ALCAM: variants seen among roughly 807,000 people sequenced by gnomAD.
ALCAM encodes CD166 antigen.
In ALCAM, 30 loss-of-function variants were observed where a neutral mutation model predicts 70.9. The ratio of observed to expected loss-of-function variants is 0.42; its 90% CI spans 0.32 to 0.57. ALCAM has a LOEUF of 0.57. Ranked by LOEUF, ALCAM falls within the 20% of genes least tolerant of loss-of-function variation. The probability of loss-of-function intolerance (pLI) is 0.11; values close to 1 mark genes in which losing one functional copy is unlikely to be tolerated. For synonymous variants in ALCAM, 249 were observed against 242.5 expected (o/e 1.03, Z -0.25); for missense variants, 591 against 695.1 (o/e 0.85, Z 1.68).
intron 1 of ALCAM, among the ~76,000 whole-genome samples, chr3:105,410,694 A>G (rs1274015150): frequency 6.6e-6 from 1 of 152,008 alleles, no homozygotes; most frequent in Non-Finnish European, 1.5e-5. Context: ...ACAGCAGGCT[A>G]GCAACTCAGA....
intron 3 of ALCAM, among the ~76,000 whole-genome samples, chr3:105,526,409 A>G (rs1207025857): frequency 6.6e-6 from 1 of 152,106 alleles, no homozygotes; most frequent in African/African-American, 2.4e-5. Flanking sequence ...AATAAAATTT[A>G]TCAGCTGATT....
intron 1 of ALCAM, among the ~76,000 whole-genome samples, chr3:105,468,419 C>A (rs1047485436): frequency 2.6e-5 from 4 of 151,376 alleles, no homozygotes; most frequent in African/African-American, 9.7e-5. Context: ...ATAGTAAACT[C>A]TTCTTTTAAT....
chr3:105,541,224 C>T (rs1390752785), intron 7 of ALCAM, among the ~76,000 whole-genome samples: 2 of 150,906 alleles, frequency 1.3e-5, no homozygotes, highest in African/African-American at 4.9e-5. Context: ...TACTTTCCTT[C>T]CTTCCTTCTT....
At chr3:105,389,191 A>G (rs1379632525) in intron 1 of ALCAM, among the ~76,000 whole-genome samples, 1 of 151,418 alleles carries the variant, frequency 6.6e-6, no homozygotes, top group African/African-American at 2.4e-5. Context: ...AAAGAGGAAA[A>G]AATTTCTGTT....
intron 1 of ALCAM, among the ~76,000 whole-genome samples, chr3:105,471,357 GA>G (rs1214361159): frequency 6.6e-6 from 1 of 151,264 alleles, no homozygotes; most frequent in Non-Finnish European, 1.5e-5. Flanking sequence ...CATTTTCTAA[GA>G]ACTTCTTGGT....
chr3:105,571,856 G>A lies in ALCAM; in HGVS notation c.1669G>A (p.Ala557Thr). 2 of 1,607,176 alleles carry A rather than the reference G, an allele frequency of 1.2e-6. No individual in the cohort carries two copies. Among genetic ancestry groups the A allele is most frequent in the Non-Finnish European group, 1.7e-6 (2 of 1,174,484 alleles). ...GTTTATTTAATTCTCTTACAGGACTGCATCAAAACATGTAAACAAGGACCT... is the reference window on the plus strand; with the variant it reads ...GTTTATTTAATTCTCTTACAGGACTACATCAAAACATGTAAACAAGGACCT... ...YWLYMKKSKT[A>T]SKHVNKDLGN... Residue 557 changes from alanine to threonine, a missense_variant, in exon 15 of 16, where the codon GCA becomes ACA. Ala to Thr is a moderately conservative substitution (Grantham distance 58). Transcript: ENST00000306107.
chr3:105,473,270 G>T (rs1576186425), intron 1 of ALCAM, among the ~76,000 whole-genome samples: 1 of 151,446 alleles, frequency 6.6e-6, no homozygotes. Flanking sequence ...GGTTCAAACA[G>T]CCCATTTTTG....
chr3:105,420,930 C>T (rs1936634451), intron 1 of ALCAM, among the ~76,000 whole-genome samples: 1 of 151,168 alleles, frequency 6.6e-6, no homozygotes, highest in African/African-American at 2.4e-5. Context: ...TATTCAAGGG[C>T]TTAGACACAG....
intron 1 of ALCAM, among the ~76,000 whole-genome samples, chr3:105,506,589 T>TAGGA (rs1316524944): frequency 6.6e-6 from 1 of 152,140 alleles, no homozygotes; most frequent in Non-Finnish European, 1.5e-5. Context: ...CTTTAATGAG[T>TAGGA]AGGAACAGTG....
intron 1 of ALCAM, among the ~76,000 whole-genome samples, chr3:105,468,522 G>T (rs548974860): frequency 6.6e-6 from 1 of 151,390 alleles, no homozygotes; most frequent in Admixed American, 6.6e-5. Flanking sequence ...TTGTTAGCCT[G>T]TCAGCACTGC....
chr3:105,509,725 T>C (rs1939183460), intron 1 of ALCAM, among the ~76,000 whole-genome samples: 2 of 152,096 alleles, frequency 1.3e-5, no homozygotes, highest in Admixed American at 6.6e-5. Context: ...CTTTTTAGTT[T>C]AATATAGTCT....
At chr3:105,548,096 A>C (rs1207137870) in intron 11 of ALCAM, among the ~76,000 whole-genome samples, 1 of 151,528 alleles carries the variant, frequency 6.6e-6, no homozygotes, top group East Asian at 1.9e-4. Flanking sequence ...CCTTCTGAAC[A>C]AAAGGGTCAT....
chr3:105,521,709 G>A (rs1175514599), intron 2 of ALCAM, among the ~76,000 whole-genome samples: 1 of 152,118 alleles, frequency 6.6e-6, no homozygotes, highest in Non-Finnish European at 1.5e-5. Flanking sequence ...AGTACTTGTC[G>A]TGTAGTAATC....
At position 105,451,266 on chromosome 3, in the gene ALCAM, GGAAGGAAAGGAAGGAAA is replaced by G. The variant is rs552712029; in HGVS notation, c.74-68783_74-68767del. On this transcript the variant is annotated intron_variant, in intron 1 of 15. Coordinates refer to ENST00000306107, the MANE Select transcript of ALCAM (RefSeq NM_001627.4). ...AATAAAGCAAGGAAGCAAGAAGAAAGGAAGGAAAGGAAGGAAAGAAGGAAAGGAAGGAAATGAAGGAA... is the reference window on the plus strand; with the variant it reads ...AATAAAGCAAGGAAGCAAGAAGAAAGGAAGGAAAGGAAGGAAATGAAGGAA... 4.6e-4 allele frequency among the ~76,000 whole-genome samples: 69 copies of G among 148,692 alleles called. 1 individual carries two copies. In the South Asian group the frequency reaches 0.013, roughly 29 times the overall value.
intron 1 of ALCAM, among the ~76,000 whole-genome samples, chr3:105,369,442 G>A (rs947526445): frequency 6.6e-6 from 1 of 152,158 alleles, no homozygotes; most frequent in Non-Finnish European, 1.5e-5. Flanking sequence ...ATCCGATATC[G>A]GCCCTGGACC....
chr3:105,389,244 A>T (rs954624845), intron 1 of ALCAM, among the ~76,000 whole-genome samples: 22 of 151,460 alleles, frequency 1.5e-4, no homozygotes, highest in African/African-American at 5.3e-4. Flanking sequence ...ATCCTTATTT[A>T]TTAAAAATAC....
At chr3:105,573,445 G>A (rs1329819055) in intron 15 of ALCAM, among the ~76,000 whole-genome samples, 2 of 152,162 alleles carry the variant, frequency 1.3e-5, no homozygotes, top group African/African-American at 4.8e-5. Context: ...ACTTGTGCAC[G>A]TGTGTATACA....
At chr3:105,469,333 T>C (rs1236419752) in intron 1 of ALCAM, among the ~76,000 whole-genome samples, 1 of 151,178 alleles carries the variant, frequency 6.6e-6, no homozygotes, top group Non-Finnish European at 1.5e-5. Flanking sequence ...TTAGGTAGAG[T>C]TTACACACAG....
intron 1 of ALCAM, among the ~76,000 whole-genome samples, chr3:105,479,749 G>T (rs1049663389): frequency 1.3e-5 from 2 of 152,060 alleles, no homozygotes; most frequent in Non-Finnish European, 2.9e-5. Context: ...TCAGTTTCAT[G>T]ATTTTTTGGA....
Sources: allele counts gnomAD v4.1 joint callset (sites outside exome capture counted in the v4.1 genomes callset), GRCh38; gene constraint gnomAD v4.1.1; transcripts MANE v1.5; gene names NCBI Gene and HGNC (gene_info 2026-07-23, HGNC 2026-07-21).